The following CTSC variants were observed in gnomAD, a reference collection of about 807,000 sequenced individuals.
CTSC encodes the protein cathepsin C.
CTSC carries 37 observed loss-of-function variants against 40.9 expected under a neutral mutation model. The ratio of observed to expected loss-of-function variants is 0.91; its 90% CI spans 0.70 to 1.19. The LOEUF (loss-of-function observed/expected upper bound fraction) is 1.19, where lower values mean the gene tolerates loss of function less well. Among genes scored for constraint, CTSC ranks in the 50% most tolerant of loss-of-function variants. The pLI is 0.00. For missense variants in CTSC, 594 were observed against 567.3 expected (o/e 1.05, Z -0.48); for synonymous variants, 232 against 207.4 (o/e 1.12, Z -1.02).
At position 88,312,516 on chromosome 11, in the gene CTSC, G is replaced by A. The variant is rs1591230120; in HGVS notation, c.357C>T (p.Asn119=). ...EEGSKVTTYC[N]ETMTGWVHDV... is the part of the protein sequence containing the mutation. ...CATGCACCCACCCAGTCATTGTCTC[G>A]TTGCAGTAAGTGGTCACCTTGCTGC... Residue 119 remains asparagine, a synonymous_variant, in exon 3 of 7, where the codon AAC becomes AAT. Transcript: ENST00000227266. 6.8e-6 allele frequency: 11 copies of A among 1,614,128 alleles called. No individual in the cohort carries two copies. Among genetic ancestry groups the A allele is most frequent in the East Asian group, 4.5e-5 (2 of 44,884 alleles).
chr11:88,296,632 C>T, intron 5 of CTSC: 1 of 339,610 alleles, frequency 2.9e-6, no homozygotes, highest in Non-Finnish European at 5.7e-6. Flanking sequence ...TACATGTGAG[C>T]TGTGGAGGAA....
chr11:88,313,167 T>A (rs1565256669), intron 2 of CTSC, among the ~76,000 whole-genome samples: 1 of 152,174 alleles, frequency 6.6e-6, no homozygotes, highest in Non-Finnish European at 1.5e-5. Flanking sequence ...CCTCCCAGGT[T>A]CAAGCGATTC....
At chr11:88,334,043 G>C (rs1938429153) in intron 2 of CTSC, among the ~76,000 whole-genome samples, 1 of 152,206 alleles carries the variant, frequency 6.6e-6, no homozygotes, top group Admixed American at 6.5e-5. Context: ...CTAGGCCTTT[G>C]TTGGTGCTTT....
chr11:88,332,777 A>G (rs76394545), intron 2 of CTSC, among the ~76,000 whole-genome samples: 1 of 152,336 alleles, frequency 6.6e-6, no homozygotes, highest in African/African-American at 2.4e-5. Context: ...TAAAATAGAC[A>G]TATCCTGAAA....
At chr11:88,301,662 T>C (rs1222463197) in intron 4 of CTSC, among the ~76,000 whole-genome samples, 1 of 152,124 alleles carries the variant, frequency 6.6e-6, no homozygotes, top group Non-Finnish European at 1.5e-5. Context: ...TATATGACAG[T>C]GTTGGGCTGT....
chr11:88,323,173 A>G (rs1591237260), intron 2 of CTSC: 1 of 152,194 alleles, frequency 6.6e-6, no homozygotes, highest in African/African-American at 2.4e-5. Flanking sequence ...CAAAAACCAC[A>G]TGATTATCTC....
At chr11:88,315,075 C>G (rs1233626510) in intron 2 of CTSC, among the ~76,000 whole-genome samples, 2 of 152,160 alleles carry the variant, frequency 1.3e-5, no homozygotes, top group Non-Finnish European at 2.9e-5. Flanking sequence ...AACAGTGTAA[C>G]ATGGTAACTT....
At chr11:88,294,942 C>T (rs938696502) in intron 6 of CTSC, among the ~76,000 whole-genome samples, 5 of 152,234 alleles carry the variant, frequency 3.3e-5, no homozygotes, top group African/African-American at 1.2e-4. Context: ...GACCCCACAA[C>T]TTGGCTCTTT....
At chr11:88,319,036 A>G (rs1161521322) in intron 2 of CTSC, among the ~76,000 whole-genome samples, 1 of 152,204 alleles carries the variant, frequency 6.6e-6, no homozygotes, top group African/African-American at 2.4e-5. Context: ...ACAGTGTGCT[A>G]GTAAGTCCCT....
intron 3 of CTSC, among the ~76,000 whole-genome samples, chr11:88,310,380 G>A (rs1329156358): frequency 2.6e-5 from 4 of 152,098 alleles, no homozygotes; most frequent in Admixed American, 2.0e-4. Flanking sequence ...CTGTGTGCTA[G>A]ATGCTAGGAA....
intron 2 of CTSC, among the ~76,000 whole-genome samples, chr11:88,316,203 G>C (rs1937873727): frequency 6.6e-6 from 1 of 152,170 alleles, no homozygotes; most frequent in South Asian, 2.1e-4. Context: ...AGAACAGAAA[G>C]AAAGAATAAT....
intron 2 of CTSC, among the ~76,000 whole-genome samples, chr11:88,331,148 C>T (rs574341431): frequency 6.6e-6 from 1 of 152,282 alleles, no homozygotes; most frequent in African/African-American, 2.4e-5. Context: ...TTCTCCCCAC[C>T]AGCAAGCAAG....
intron 4 of CTSC, among the ~76,000 whole-genome samples, chr11:88,301,644 C>T (rs1426132213): frequency 6.6e-6 from 1 of 152,166 alleles, no homozygotes; most frequent in Admixed American, 6.6e-5. Flanking sequence ...CATTATAGAA[C>T]CACACCTTAT....
At chr11:88,308,468 ATTTATTATT>A (rs1287928229) in intron 4 of CTSC, among the ~76,000 whole-genome samples, 1 of 138,982 alleles carries the variant, frequency 7.2e-6, no homozygotes, top group African/African-American at 2.9e-5. Flanking sequence ...TATTTATTTT[ATTTATTATT>A]TTATTTTATT....
intron 4 of CTSC, among the ~76,000 whole-genome samples, chr11:88,301,248 G>C (rs1467357743): frequency 6.6e-6 from 1 of 152,088 alleles, no homozygotes; most frequent in African/African-American, 2.4e-5. Flanking sequence ...CATCCTCTCC[G>C]TTTACATGGG....
chr11:88,308,183 A>G (rs1193967354), intron 4 of CTSC, among the ~76,000 whole-genome samples: 1 of 152,214 alleles, frequency 6.6e-6, no homozygotes, highest in Non-Finnish European at 1.5e-5. Flanking sequence ...TTCCTGGGCT[A>G]TTGGGCCAAG....
At chr11:88,325,167 T>C (rs1340052659) in intron 2 of CTSC, 3 of 984,568 alleles carry the variant, frequency 3.0e-6, no homozygotes, top group Non-Finnish European at 3.6e-6. Context: ...AGCAATCAGT[T>C]GAACAATACT....
intron 4 of CTSC, among the ~76,000 whole-genome samples, chr11:88,305,524 T>C (rs1210320010): frequency 1.3e-5 from 2 of 152,224 alleles, no homozygotes; most frequent in African/African-American, 4.8e-5. Context: ...AAGCTCTAGA[T>C]TCAGAAATGC....
chr11:88,336,921 T>C (rs73534515), intron 1 of CTSC, among the ~76,000 whole-genome samples: 2,779 of 152,270 alleles, frequency 0.018, 89 homozygotes, highest in African/African-American at 0.063. Context: ...AGAGTTAAGT[T>C]TTCTTTGTTA....
Sources: allele counts gnomAD v4.1 joint callset (sites outside exome capture counted in the v4.1 genomes callset), GRCh38; gene constraint gnomAD v4.1.1; transcripts MANE v1.5; gene names NCBI Gene and HGNC (gene_info 2026-07-23, HGNC 2026-07-21).